MED16: variants seen among roughly 807,000 people sequenced by gnomAD.
MED16 encodes the protein mediator of RNA polymerase II transcription subunit 16.
MED16 carries 81 observed loss-of-function variants against 84.4 expected under a neutral mutation model. The ratio of observed to expected loss-of-function variants is 0.96; its 90% confidence interval spans 0.80 to 1.15. The LOEUF (loss-of-function observed/expected upper bound fraction) is 1.15, where lower values mean the gene tolerates loss of function less well. Among genes scored for constraint, MED16 ranks in the 50% most tolerant of loss-of-function variants. The pLI, the probability that MED16 is intolerant of heterozygous loss-of-function variation, is 0.00. For synonymous variants in MED16, 897 were observed against 552.2 expected, an observed-to-expected ratio of 1.62 and a Z score of -8.76; for missense variants, 1,585 against 1,245.9, an observed-to-expected ratio of 1.27 and a Z score of -4.10.
At chr19:882,103 A>T (rs773884796) in intron 6 of MED16, among the ~76,000 whole-genome samples, 2 of 152,210 alleles carry the variant, frequency 1.3e-5, no homozygotes, top group African/African-American at 2.4e-5. Context: ...ATTCCAATAA[A>T]GCCATGCGGG....
rs998696255 is a variant in MED16, at chr19:893,171, G to C, written c.-104C>G. 1.3e-5 allele frequency: 2 copies of C among 152,264 alleles called. No individual in the cohort carries two copies. The highest frequency in any genetic ancestry group is 1.3e-4 in the Admixed American group (2 of 15,290). 9.4% of individuals were successfully genotyped at this position (152,264 alleles called of 1,614,324 possible). A position where few individuals can be genotyped will look rare whatever the true frequency, so the allele number is the denominator to read the frequency against. On this transcript the variant is annotated 5_prime_UTR_variant, in exon 1 of 16. Transcript: ENST00000325464. ...GGGTCTGGCGCCGCCATCTTCCTCG[G>C]TAACAACCAGTCGCCTGAGGCGTGG...
intron 7 of MED16, among the ~76,000 whole-genome samples, chr19:880,592 T>C (rs945053275): frequency 1.3e-5 from 2 of 151,964 alleles, no homozygotes; most frequent in Admixed American, 6.6e-5. Context: ...CCAAAGCTCA[T>C]GGAAAAGAGA....
chr19:875,245 G>A lies in MED16; in HGVS notation c.1770C>T (p.Val590=), dbSNP rs61738004. Residue 590 remains valine, a splice_region_variant and synonymous_variant, in exon 10 of 16, where the codon GTC becomes GTT. Coordinates refer to ENST00000325464, the MANE Select transcript of MED16 (RefSeq NM_005481.3). ...CCCCGGGCGTGGAAAAGGACCCACCGACGTCGGTGATCTTGGTGCAGATCT... is the reference window on the plus strand; with the variant it reads ...CCCCGGGCGTGGAAAAGGACCCACCAACGTCGGTGATCTTGGTGCAGATCT... ...LTEICTKITD[V]DIDKVMINLK... 3.6e-3 allele frequency: 5,782 copies of A among 1,605,098 alleles called. 217 individuals carry two copies. In the African/African-American group the frequency reaches 0.067, roughly 19 times the overall value.
rs370068240 is a variant in MED16, at chr19:886,081, C to T, written c.568G>A (p.Val190Met). ...TGCCCGCTGGGCTTCAGCAGGGACA[C>T]GGTGACCAGGCCGCTGACCGTCACC... is the stretch of plus-strand genomic sequence containing the variant. ...IAVTVSGLVTVSLLKPSGQVL... is the reference protein window; with the variant it reads ...IAVTVSGLVTMSLLKPSGQVL... The change falls in exon 5 of 16, where the codon GTG (valine) becomes ATG (methionine). Residue 190 changes from valine (V) to methionine (M), a missense_variant. Transcript: ENST00000325464. 40 of 1,594,240 alleles carry T rather than the reference C, an allele frequency of 2.5e-5. No homozygotes were observed. The highest frequency in any genetic ancestry group is 8.8e-5 in the South Asian group (8 of 90,722).
chr19:872,631 G>A (rs1032207314), intron 11 of MED16, among the ~76,000 whole-genome samples: 3 of 151,734 alleles, frequency 2.0e-5, no homozygotes, highest in African/African-American at 4.8e-5. Context: ...ATCACAGCTG[G>A]GGCAGGACAG....
chr19:876,496 G>C (rs2036233004), intron 9 of MED16, among the ~76,000 whole-genome samples: 1 of 152,106 alleles, frequency 6.6e-6, no homozygotes, highest in Non-Finnish European at 1.5e-5. Flanking sequence ...ACTGGAGAGG[G>C]GAGCCGTCCA....
intron 2 of MED16, 39 bp from the exon 3 acceptor site, chr19:890,283 C>G (rs1051750152): frequency 1.5e-6 from 2 of 1,378,064 alleles, no homozygotes; most frequent in Non-Finnish European, 2.0e-6. Flanking sequence ...CCTGGCACCA[C>G]AGCCTGCAGA....
chr19:884,955 C>T lies in MED16; in HGVS notation c.933G>A (p.Leu311=). 6.2e-7 allele frequency: 1 copy of T among 1,609,516 alleles called. No individual in the cohort carries two copies. Among genetic ancestry groups the T allele is most frequent in the Non-Finnish European group, 8.5e-7 (1 of 1,179,354 alleles). Residue 311 remains leucine (L), a synonymous_variant, in exon 6 of 16, where the codon CTG becomes CTA. Coordinates refer to ENST00000325464, the MANE Select transcript of MED16 (RefSeq NM_005481.3). ...QTSSIVECWS[L]RKEGLPVNNI... The stretch of plus-strand genomic sequence containing the variant: ...TGTTCACGGGGAGTCCCTCCTTGCG[C>T]AGGGACCAGCACTCCACGATGCTGC...
intron 12 of MED16, 78 bp from the exon 13 acceptor site, chr19:871,331 C>T (rs1421474495): frequency 1.4e-6 from 2 of 1,433,176 alleles, no homozygotes; most frequent in Non-Finnish European, 1.9e-6. Context: ...CTGGGAGCCC[C>T]TCCAGTTCAG....
intron 6 of MED16, among the ~76,000 whole-genome samples, chr19:883,168 A>G (rs1270553876): frequency 6.6e-6 from 1 of 152,192 alleles, no homozygotes; most frequent in Non-Finnish European, 1.5e-5. Flanking sequence ...GGCAGGGAGA[A>G]GCTAAGCTGC....
rs989995459 is a variant in MED16, at chr19:868,887, G to A, written c.2375C>T (p.Thr792Met). 5.6e-5 allele frequency: 87 copies of A among 1,551,712 alleles called. No homozygotes were observed. The highest frequency in any genetic ancestry group is 6.5e-5 in the Non-Finnish European group (75 of 1,151,444). ...CCTGGTGCAGGCCTTGCATTCCTCCGTGGGGCAAGCGCCAAGGTGCAGCCT... is the reference window on the plus strand; with the variant it reads ...CCTGGTGCAGGCCTTGCATTCCTCCATGGGGCAAGCGCCAAGGTGCAGCCT... ...LRRLHLGACP[T>M]EECKACTRCG... is the part of the protein sequence containing the mutation. Residue 792 changes from threonine (T) to methionine (M), a missense_variant, in exon 14 of 16, where the codon ACG becomes ATG. By Grantham distance (81) the Thr-to-Met change is moderately conservative. Coordinates refer to ENST00000325464, the MANE Select transcript of MED16 (RefSeq NM_005481.3).
intron 10 of MED16, among the ~76,000 whole-genome samples, chr19:874,329 A>C (rs1017131696): frequency 6.6e-6 from 1 of 152,002 alleles, no homozygotes; most frequent in Non-Finnish European, 1.5e-5. Context: ...AGCCAGGATG[A>C]TCTCGATCTC....
At chr19:880,229 T>G in intron 7 of MED16, 81 bp from the exon 8 acceptor site, 1 of 1,347,618 alleles carries the variant, frequency 7.4e-7, no homozygotes, top group Non-Finnish European at 9.8e-7. Context: ...CTCTGCAGGG[T>G]GTGGAGAGCC....
intron 6 of MED16, 47 bp downstream of exon 6, chr19:884,856 G>GC: frequency 6.8e-7 from 1 of 1,474,124 alleles, no homozygotes; most frequent in South Asian, 1.2e-5. Flanking sequence ...AAAACCAACC[G>GC]CCCCCGAGGG....
chr19:873,202 G>A lies in MED16; in HGVS notation c.1905+247C>T, dbSNP rs565684173. 4.6e-4 allele frequency: 265 copies of A among 576,364 alleles called. 5 individuals are homozygous for A. In the South Asian group the frequency reaches 5.3e-3, roughly 11 times the overall value. The allele number at this position is 576,364 out of a possible 1,614,324, so 35.7% of individuals were successfully genotyped here. A position where few individuals can be genotyped will look rare whatever the true frequency, so the allele number is the denominator to read the frequency against. On this transcript the variant is annotated intron_variant, in intron 11 of 15. Transcript: ENST00000325464. ...AAGTGGGGCAGGGCTAGGAAGTGGG[G>A]GTTTAAGAAGAGACAGACTCAGGAA...
At chr19:873,776 C>CA (rs1179590194) in intron 10 of MED16, among the ~76,000 whole-genome samples, 194 bp from the exon 11 acceptor site, 1 of 152,134 alleles carries the variant, frequency 6.6e-6, no homozygotes, top group African/African-American at 2.4e-5. Context: ...CCTGCCCCCC[C>CA]CCGGGGGCCG....
At chr19:883,285 C>A (rs1280514299) in intron 6 of MED16, among the ~76,000 whole-genome samples, 1 of 146,436 alleles carries the variant, frequency 6.8e-6, no homozygotes, top group African/African-American at 2.6e-5. Flanking sequence ...ATGGCGGGGA[C>A]CGAAGCCTGG....
chr19:870,038 C>T (rs868235904), intron 13 of MED16, among the ~76,000 whole-genome samples: 34 of 152,322 alleles, frequency 2.2e-4, no homozygotes, highest in Admixed American at 5.9e-4. Flanking sequence ...GCCCAAACCC[C>T]GCACATTCCA....
At chr19:888,064 C>T (rs774185389) in intron 4 of MED16, among the ~76,000 whole-genome samples, 60 of 151,650 alleles carry the variant, frequency 4.0e-4, no homozygotes, top group Non-Finnish European at 8.2e-4. Context: ...AGCAGCCGGG[C>T]GTGGTGGCGG....
Sources: allele counts gnomAD v4.1 joint callset (sites outside exome capture counted in the v4.1 genomes callset), GRCh38; gene constraint gnomAD v4.1.1; transcripts MANE v1.5; gene names NCBI Gene and HGNC (gene_info 2026-07-23, HGNC 2026-07-21).